DPYSL2: variants seen among roughly 807,000 people sequenced by gnomAD.
The protein encoded by DPYSL2 is dihydropyrimidinase-related protein 2.
In DPYSL2, 13 loss-of-function variants were observed where a neutral mutation model predicts 69.9. The observed-to-expected ratio is 0.19, with a 90% CI of 0.12 to 0.30. The LOEUF (loss-of-function observed/expected upper bound fraction) is 0.30. Ranked by LOEUF, DPYSL2 falls within the 10% of genes least tolerant of loss-of-function variation. DPYSL2 has a pLI of 1.00. For synonymous variants in DPYSL2, 326 were observed against 359.1 expected, an observed-to-expected ratio of 0.91 and a Z score of 1.04; for missense variants, 587 against 918.9, an observed-to-expected ratio of 0.64 and a Z score of 4.67.
intron 1 of DPYSL2, among the ~76,000 whole-genome samples, chr8:26,573,272 C>A (rs1192636652): frequency 6.6e-6 from 1 of 152,226 alleles, no homozygotes; most frequent in African/African-American, 2.4e-5. Context: ...CGCCTGTAAT[C>A]CCAGAACTTT....
chr8:26,600,168 G>A (rs1465096396), intron 3 of DPYSL2, among the ~76,000 whole-genome samples: 4 of 152,192 alleles, frequency 2.6e-5, no homozygotes, highest in African/African-American at 7.2e-5. Context: ...ATCGATGGAT[G>A]GCATTTGGGT....
In DPYSL2 at chr8:26,652,358, C is replaced by T. The variant is rs1803295487; in HGVS notation, c.1698C>T (p.Val566=). 6.2e-7 allele frequency: 1 copy of T among 1,614,114 alleles called. No homozygotes were observed. The highest frequency in any genetic ancestry group is 1.3e-5 in the African/African-American group (1 of 74,942). The change falls in exon 12 of 14, where the codon GTC becomes GTT. Residue 566 remains valine (V), a synonymous_variant. Transcript: ENST00000521913. The surrounding 1 kb of genome is among the most constrained non-coding windows in gnomAD (Gnocchi z 6.3). ...KIVLEDGTLH[V]TEGSGRYIPR... The stretch of plus-strand genomic sequence containing the variant: ...TCCTGGAGGACGGCACCCTGCATGT[C>T]ACCGAAGGCTCTGGACGCTACATTC...
chr8:26,545,819 A>G (rs1459198375), intron 1 of DPYSL2, among the ~76,000 whole-genome samples: 1 of 151,836 alleles, frequency 6.6e-6, no homozygotes, highest in Non-Finnish European at 1.5e-5. Flanking sequence ...TATCAAAGAT[A>G]ATTCGACTAT....
chr8:26,518,650 C>T (rs1375721510), intron 1 of DPYSL2, among the ~76,000 whole-genome samples: 1 of 152,144 alleles, frequency 6.6e-6, no homozygotes, highest in Admixed American at 6.5e-5. Flanking sequence ...TCTTTTCTGT[C>T]TCTGCCAGCT....
Position 26,580,582 on chromosome 8 carries a change from A to G in DPYSL2, c.355-1387A>G, listed in dbSNP as rs190481005. On this transcript the variant is annotated intron_variant, in intron 1 of 13. Transcript: ENST00000521913. The surrounding 1 kb of genome is among the most constrained non-coding windows in gnomAD (Gnocchi z 4.1). ...TAGAGAGACAATAAATACTTTCTGA[A>G]CCAAGGTGTGTGTATTTATGTGTAA... Among the ~76,000 whole-genome samples, 279 of 152,262 alleles carry G rather than the reference A, an allele frequency of 1.8e-3. 1 individual carries two copies. Among genetic ancestry groups the G allele is most frequent in the Middle Eastern group, 0.014 (4 of 294 alleles).
rs1563400522 is a variant in DPYSL2, at chr8:26,592,465, T to G, written c.628+8482T>G. Among the ~76,000 whole-genome samples the G allele has an allele frequency of 2.7e-5, 3 of 112,038 alleles. No individual in the cohort carries two copies. In the South Asian group the frequency reaches 9.6e-4, roughly 36 times the overall value. 73.5% of individuals were successfully genotyped at this position (112,038 alleles called of 152,430 possible). ...ACTGTGCCTGTTTGGTACATTAGTT[T>G]TTTTTTTTTTGTTTTTTTTTTTTTA... is the stretch of plus-strand genomic sequence containing the variant. On this transcript the variant is annotated intron_variant, in intron 3 of 13. Transcript: ENST00000521913.
Position 26,641,490 on chromosome 8 carries a change from C to G in DPYSL2, c.1127-1949C>G, listed in dbSNP as rs1585567857. Among the ~76,000 whole-genome samples the G allele has an allele frequency of 6.6e-6, 1 of 152,256 alleles. No individual in the cohort carries two copies. The highest frequency in any genetic ancestry group is 2.1e-4 in the South Asian group (1 of 4,832). On this transcript the variant is annotated intron_variant, in intron 8 of 13. Coordinates refer to ENST00000521913, the MANE Select transcript of DPYSL2 (RefSeq NM_001197293.3). The surrounding 1 kb of genome is among the most constrained non-coding windows in gnomAD (Gnocchi z 4.1). ...ATCCTTTGAGAACTGATGACTGCTGCTGGGTCCTGCCCAGCCATTTGCATT... is the reference window on the plus strand; with the variant it reads ...ATCCTTTGAGAACTGATGACTGCTGGTGGGTCCTGCCCAGCCATTTGCATT...
chr8:26,577,788 C>G (rs1801388855), intron 1 of DPYSL2: 3 of 992,740 alleles, frequency 3.0e-6, no homozygotes, highest in Non-Finnish European at 3.6e-6. Context: ...ATTTCGCGCT[C>G]TCGCGCCGCG....
At chr8:26,649,969 C>G (rs1453951192) in intron 11 of DPYSL2, among the ~76,000 whole-genome samples, 2 of 151,974 alleles carry the variant, frequency 1.3e-5, no homozygotes, top group Non-Finnish European at 2.9e-5. Flanking sequence ...CCCCAGAGGT[C>G]TTCTAGGTGC....
intron 8 of DPYSL2, among the ~76,000 whole-genome samples, chr8:26,635,841 C>T (rs1238641172): frequency 6.6e-6 from 1 of 152,184 alleles, no homozygotes; most frequent in African/African-American, 2.4e-5. Flanking sequence ...CATTCTCTCT[C>T]TGTGTCTTTC....
Position 26,652,163 on chromosome 8 carries a change from T to G in DPYSL2, c.1597-94T>G. 2.4e-6 allele frequency: 3 copies of G among 1,239,718 alleles called. No homozygotes were observed. The highest frequency in any genetic ancestry group is 1.5e-5 in the African/African-American group (1 of 65,904). 76.8% of individuals were successfully genotyped at this position (1,239,718 alleles called of 1,614,324 possible). Reference sequence around the variant, plus strand: ...AGGATCCCTGTCTCTGAGTCTCTCTTTTGTCTCTGTGGGGTTGGGGCAGTG... The same window carrying G: ...AGGATCCCTGTCTCTGAGTCTCTCTGTTGTCTCTGTGGGGTTGGGGCAGTG... On this transcript the variant is annotated intron_variant, in intron 11 of 13. Transcript: ENST00000521913. This position sits in a 1 kb window ranked among gnomAD's most constrained non-coding sequence, Gnocchi z 6.3.
chr8:26,521,786 T>A (rs62492697), intron 1 of DPYSL2, among the ~76,000 whole-genome samples: 2,000 of 152,314 alleles, frequency 0.013, 23 homozygotes, highest in Middle Eastern at 0.071. Context: ...TATGGCCTTT[T>A]GTGTCTGCTT....
intron 1 of DPYSL2, among the ~76,000 whole-genome samples, chr8:26,554,612 G>A (rs1014353260): frequency 1.3e-4 from 20 of 152,162 alleles, no homozygotes; most frequent in African/African-American, 4.3e-4. Context: ...CCAGAATGGT[G>A]TTGTATAGGT....
At chr8:26,592,095 T>C (rs191357381) in intron 3 of DPYSL2, among the ~76,000 whole-genome samples, 2 of 152,334 alleles carry the variant, frequency 1.3e-5, no homozygotes, top group African/African-American at 4.8e-5. Context: ...TTTTCTTAGC[T>C]TTTTATGACA....
chr8:26,553,058 A>G (rs545589794), intron 1 of DPYSL2, among the ~76,000 whole-genome samples: 11 of 152,228 alleles, frequency 7.2e-5, no homozygotes, highest in Non-Finnish European at 1.6e-4. Context: ...AATGTAAATG[A>G]TATTGGCCAA....
intron 1 of DPYSL2, among the ~76,000 whole-genome samples, chr8:26,535,373 A>T (rs1340383605): frequency 2.0e-5 from 3 of 152,198 alleles, no homozygotes; most frequent in Non-Finnish European, 2.9e-5. Flanking sequence ...TCCAGTCCAT[A>T]ACATGAGGAT....
intron 1 of DPYSL2, among the ~76,000 whole-genome samples, chr8:26,526,185 C>T (rs1458865182): frequency 3.3e-5 from 5 of 152,194 alleles, no homozygotes; most frequent in Non-Finnish European, 7.3e-5. Flanking sequence ...ACCGCTGCCT[C>T]CTGGGTTCAA....
intron 7 of DPYSL2, 73 bp downstream of exon 7, chr8:26,628,013 T>G: frequency 6.8e-7 from 1 of 1,477,584 alleles, no homozygotes; most frequent in Admixed American, 1.9e-5. Context: ...GGAACCTGCT[T>G]CCTGCCTGTT....
In DPYSL2 at chr8:26,634,523, C is replaced by A. The variant is rs1434330386; in HGVS notation, c.1006-257C>A. Among the ~76,000 whole-genome samples the A allele has an allele frequency of 2.8e-4, 41 of 148,434 alleles. No homozygotes were observed. In the Admixed American group the frequency reaches 2.8e-3, roughly 10 times the overall value. Reference sequence around the variant, plus strand: ...TCTTGAACTCCTGATCTCAGGTAATCCACCTGCCTCAGCCTCCCAAAGTGC... The same window carrying A: ...TCTTGAACTCCTGATCTCAGGTAATACACCTGCCTCAGCCTCCCAAAGTGC... On this transcript the variant is annotated intron_variant, in intron 7 of 13. Coordinates refer to ENST00000521913, the MANE Select transcript of DPYSL2 (RefSeq NM_001197293.3).
Sources: gnomAD v4.1 joint callset for allele counts (sites outside exome capture counted in the v4.1 genomes callset) on GRCh38, gnomAD v4.1.1 for gene constraint, Gnocchi (gnomAD v3.1) non-coding constraint, MANE v1.5 for transcripts, NCBI Gene and HGNC (gene_info 2026-07-23, HGNC 2026-07-21) for gene names.